The following ATP10B variants were observed in gnomAD, a reference collection of about 807,000 sequenced individuals.
ATP10B encodes the protein ATPase phospholipid transporting 10B (putative).
In ATP10B, 122 loss-of-function variants were observed where a neutral mutation model predicts 141.2. That is an observed-to-expected ratio of 0.86 (90% CI 0.75 to 1.00). The LOEUF (loss-of-function observed/expected upper bound fraction) is 1.00. Among genes scored for constraint, ATP10B ranks in the 50% least tolerant of loss-of-function variants. The pLI is 0.00. For synonymous variants in ATP10B, 685 were observed against 692.0 expected, an observed-to-expected ratio of 0.99 and a Z score of 0.16; for missense variants, 1,876 against 1,825.3, an observed-to-expected ratio of 1.03 and a Z score of -0.51.
At chr5:160,832,471 A>G (rs1018723768) in intron 1 of ATP10B, among the ~76,000 whole-genome samples, 2 of 152,146 alleles carry the variant, frequency 1.3e-5, no homozygotes, top group African/African-American at 2.4e-5. Flanking sequence ...GAGAGTATAT[A>G]GCAAGGTATT....
chr5:160,823,327 G>A (rs1008678762), intron 1 of ATP10B, among the ~76,000 whole-genome samples: 1 of 151,824 alleles, frequency 6.6e-6, no homozygotes, highest in Non-Finnish European at 1.5e-5. Context: ...CTTATAAGTG[G>A]GAGCTGAACA....
At chr5:160,640,394 G>A (rs1759748639) in intron 10 of ATP10B, 67 bp downstream of exon 10, 4 of 1,557,944 alleles carry the variant, frequency 2.6e-6, no homozygotes, top group Non-Finnish European at 3.5e-6. Flanking sequence ...TATAAATGAG[G>A]AAGCTGAAGA....
chr5:160,680,801 G>A (rs1763344556), intron 6 of ATP10B, among the ~76,000 whole-genome samples: 1 of 152,204 alleles, frequency 6.6e-6, no homozygotes, highest in African/African-American at 2.4e-5. Context: ...CTTGCCCCTA[G>A]GGATTGGTTT....
chr5:160,695,489 A>AGTGTGT (rs59946073), intron 3 of ATP10B, among the ~76,000 whole-genome samples: 8 of 148,900 alleles, frequency 5.4e-5, no homozygotes, highest in African/African-American at 1.5e-4. Flanking sequence ...TGCGTGAGTG[A>AGTGTGT]GTGTGTGTGT....
chr5:160,828,122 G>C (rs1279100903), intron 1 of ATP10B, among the ~76,000 whole-genome samples: 4 of 152,096 alleles, frequency 2.6e-5, no homozygotes, highest in Non-Finnish European at 4.4e-5. Context: ...AGAAAACCTA[G>C]GCATTACCAT....
upstream of ATP10B, among the ~76,000 whole-genome samples, chr5:160,854,158 TG>T (rs1753939589): frequency 6.6e-6 from 1 of 152,146 alleles, no homozygotes; most frequent in Non-Finnish European, 1.5e-5. Flanking sequence ...TTCTACAAGC[TG>T]TGCAAGTGTT....
chr5:160,679,326 T>C (rs1163762271), intron 6 of ATP10B, among the ~76,000 whole-genome samples: 2 of 152,248 alleles, frequency 1.3e-5, no homozygotes, highest in African/African-American at 4.8e-5. Context: ...ATTAAAAAAA[T>C]ATATAATCTA....
chr5:160,822,989 C>T lies in ATP10B; in HGVS notation c.-576+28952G>A, dbSNP rs7714458. 9.6e-4 allele frequency among the ~76,000 whole-genome samples: 67 copies of T among 69,702 alleles called. 1 individual carries two copies. The highest frequency in any genetic ancestry group is 2.0e-3 in the East Asian group (4 of 1,992). 45.7% of individuals were successfully genotyped at this position (69,702 alleles called of 152,430 possible). On this transcript the variant is annotated intron_variant, in intron 1 of 25. Transcript: ENST00000327245. The stretch of plus-strand genomic sequence containing the variant: ...TGACTATAGTAAAAAATTACATATA[C>T]ATATATATATACATATATATATATA...
At chr5:160,741,267 C>A (rs1767457141) in intron 2 of ATP10B, among the ~76,000 whole-genome samples, 1 of 152,174 alleles carries the variant, frequency 6.6e-6, no homozygotes. Flanking sequence ...GTAAAGTTAG[C>A]AAACAGAATG....
At chr5:160,838,052 G>C (rs867123684) in intron 1 of ATP10B, among the ~76,000 whole-genome samples, 6 of 152,134 alleles carry the variant, frequency 3.9e-5, no homozygotes, top group Admixed American at 6.6e-5. Flanking sequence ...TTAAAAGCCA[G>C]CTCCAGTTGT....
chr5:160,784,002 A>C (rs752482116), intron 2 of ATP10B, among the ~76,000 whole-genome samples: 20 of 152,152 alleles, frequency 1.3e-4, no homozygotes, highest in Non-Finnish European at 2.5e-4. Context: ...AGGGAACTGA[A>C]ATTGAGGAAA....
chr5:160,701,310 C>G (rs73314426), intron 3 of ATP10B, among the ~76,000 whole-genome samples: 1,678 of 152,274 alleles, frequency 0.011, 32 homozygotes, highest in African/African-American at 0.039. Flanking sequence ...CTTCCCAGCC[C>G]TGTCTTTTGT....
At chr5:160,817,057 G>T (rs1773689815) in intron 1 of ATP10B, among the ~76,000 whole-genome samples, 1 of 152,138 alleles carries the variant, frequency 6.6e-6, no homozygotes, top group African/African-American at 2.4e-5. Context: ...TACTGAATGG[G>T]CAAAAACTGG....
At chr5:160,777,976 A>T (rs1581513554) in intron 2 of ATP10B, among the ~76,000 whole-genome samples, 1 of 48,874 alleles carries the variant, frequency 2.0e-5, no homozygotes, top group South Asian at 9.0e-4. Context: ...CTTAGGTTAT[A>T]AAAAAAATAA....
At chr5:160,604,891 A>G (rs1197252775) in intron 19 of ATP10B, among the ~76,000 whole-genome samples, 1 of 152,202 alleles carries the variant, frequency 6.6e-6, no homozygotes, top group African/African-American at 2.4e-5. Flanking sequence ...AGATAGCTCT[A>G]TACAGTGAGG....
the ATP10B span, among the ~76,000 whole-genome samples, chr5:160,876,484 G>A: frequency 2.0e-4 from 29 of 147,852 alleles, no homozygotes; most frequent in East Asian, 6.1e-3. Flanking sequence ...AACTAGAAAA[G>A]CAAGAGCAAA....
At chr5:160,793,168 A>AT (rs1048521014) in intron 1 of ATP10B, among the ~76,000 whole-genome samples, 7 of 149,548 alleles carry the variant, frequency 4.7e-5, no homozygotes, top group African/African-American at 1.7e-4. Context: ...CTGCCTAAGT[A>AT]TTTTTGCCAT....
chr5:160,686,113 C>T lies in ATP10B; in HGVS notation c.436G>A (p.Ala146Thr). Residue 146 changes from alanine (A) to threonine (T), a missense_variant, in exon 6 of 26, where the codon GCA becomes ACA. Physicochemically the swap from Ala to Thr is moderately conservative, Grantham distance 58. Coordinates refer to ENST00000327245, the MANE Select transcript of ATP10B (RefSeq NM_025153.3). ...ATTCGAATGTTGGAGCAGTTTATTG[C>T]TTTATCAAAGCGGTGTCTCTTGAAG... ...EDFKRHRFDK[A>T]INCSNIRIYE... 1 of 1,598,190 alleles carries T rather than the reference C, an allele frequency of 6.3e-7. No individual in the cohort carries two copies. The highest frequency in any genetic ancestry group is 8.5e-7 in the Non-Finnish European group (1 of 1,170,696).
chr5:160,640,211 G>A (rs1759733985), intron 10 of ATP10B, among the ~76,000 whole-genome samples: 2 of 152,218 alleles, frequency 1.3e-5, no homozygotes, highest in Non-Finnish European at 2.9e-5. Flanking sequence ...TTCATTCCAT[G>A]CTACGAGAGT....
Sources: gnomAD v4.1 joint callset for allele counts (sites outside exome capture counted in the v4.1 genomes callset) on GRCh38, gnomAD v4.1.1 for gene constraint, MANE v1.5 for transcripts, NCBI Gene and HGNC (gene_info 2026-07-23, HGNC 2026-07-21) for gene names.